Variants in ARB2A observed in about 807,000 individuals in gnomAD.
ARB2A encodes cotranscriptional regulator ARB2A.
chr5:93,696,269 A>G, the ARB2A span, among the ~76,000 whole-genome samples: 1 of 152,102 alleles, frequency 6.6e-6, no homozygotes, highest in Admixed American at 6.6e-5. Context: ...TTCTCCATTC[A>G]CATCAGTGAT....
At chr5:93,809,860 T>G in the ARB2A span, among the ~76,000 whole-genome samples, 3 of 152,196 alleles carry the variant, frequency 2.0e-5, no homozygotes, top group East Asian at 5.8e-4. Context: ...CACGTCTTGT[T>G]AAAATATTTA....
chr5:93,699,784 G>C, the ARB2A span, among the ~76,000 whole-genome samples: 4 of 151,590 alleles, frequency 2.6e-5, no homozygotes, highest in African/African-American at 9.7e-5. Context: ...CTACTAAAAA[G>C]TTGTCAGATG....
chr5:93,784,164 T>C, the ARB2A span: 271 of 463,998 alleles, frequency 5.8e-4, 1 homozygote, highest in East Asian at 9.5e-3. Context: ...TAGTGTTCTA[T>C]AGAAAACCAA....
chr5:94,072,439 T>C, the ARB2A span, among the ~76,000 whole-genome samples: 1 of 152,106 alleles, frequency 6.6e-6, no homozygotes, highest in Non-Finnish European at 1.5e-5. Flanking sequence ...AACAGTACTG[T>C]ACCAATATCT....
At chr5:93,932,527 T>C in the ARB2A span, among the ~76,000 whole-genome samples, 1 of 152,196 alleles carries the variant, frequency 6.6e-6, no homozygotes, top group Non-Finnish European at 1.5e-5. Flanking sequence ...CAAATATGCA[T>C]TAAGTATATA....
chr5:93,985,242 T>C, the ARB2A span, among the ~76,000 whole-genome samples: 2 of 152,174 alleles, frequency 1.3e-5, no homozygotes, highest in African/African-American at 4.8e-5. Context: ...ATAGAGATTG[T>C]CTTCATTCTT....
At chr5:93,872,031 C>T in the ARB2A span, among the ~76,000 whole-genome samples, 3 of 151,580 alleles carry the variant, frequency 2.0e-5, no homozygotes, top group Admixed American at 2.0e-4. Context: ...TCACTGCAAC[C>T]TCTGCCTCCC....
At chr5:94,034,940 T>C in the ARB2A span, among the ~76,000 whole-genome samples, 1 of 152,150 alleles carries the variant, frequency 6.6e-6, no homozygotes, top group African/African-American at 2.4e-5. Context: ...GCAAGGGATC[T>C]AGGTTGCACA....
At chr5:93,642,447 C>A in the ARB2A span, among the ~76,000 whole-genome samples, 1 of 152,308 alleles carries the variant, frequency 6.6e-6, no homozygotes, top group Non-Finnish European at 1.5e-5. Flanking sequence ...TCTCAGCTTA[C>A]TGCAACCTCT....
At chr5:93,774,618 G>A in the ARB2A span, among the ~76,000 whole-genome samples, 1 of 152,072 alleles carries the variant, frequency 6.6e-6, no homozygotes, top group Non-Finnish European at 1.5e-5. Flanking sequence ...CTAGTTTTGT[G>A]CCTTTTTTTT....
At chr5:93,819,134 C>G in the ARB2A span, among the ~76,000 whole-genome samples, 1 of 130,930 alleles carries the variant, frequency 7.6e-6, no homozygotes, top group African/African-American at 2.9e-5. Context: ...TGCAGTGAGT[C>G]GAGATCGCGC....
chr5:93,621,195 G>A, the ARB2A span: 2 of 1,446,898 alleles, frequency 1.4e-6, no homozygotes, highest in Non-Finnish European at 1.8e-6. Flanking sequence ...AGGGCGGCGA[G>A]GGCCAGGCCG....
At chr5:93,665,533 G>C in the ARB2A span, among the ~76,000 whole-genome samples, 1 of 152,154 alleles carries the variant, frequency 6.6e-6, no homozygotes, top group East Asian at 1.9e-4. Context: ...CAGAAACATT[G>C]ATGGCAGAAA....
the ARB2A span, among the ~76,000 whole-genome samples, chr5:93,730,536 TAA>T: frequency 7.0e-4 from 106 of 152,256 alleles, 1 homozygote; most frequent in African/African-American, 2.5e-3. Flanking sequence ...GTAAAAAACT[TAA>T]GAGTCTACTT....
At chr5:93,677,811 A>T in the ARB2A span, among the ~76,000 whole-genome samples, 1 of 152,212 alleles carries the variant, frequency 6.6e-6, no homozygotes, top group East Asian at 1.9e-4. Context: ...CATCAAAGAA[A>T]AACTGAGCTG....
the ARB2A span, among the ~76,000 whole-genome samples, chr5:93,728,458 T>G: frequency 0.088 from 13,359 of 152,144 alleles, 778 homozygotes; most frequent in Middle Eastern, 0.17. Flanking sequence ...GATTGTCTTG[T>G]GTCTGGTGGT....
chr5:93,846,738 A>G, the ARB2A span, among the ~76,000 whole-genome samples: 4 of 152,204 alleles, frequency 2.6e-5, no homozygotes, highest in African/African-American at 9.7e-5. Context: ...CTTTATTGCT[A>G]AAAACTGCTA....
the ARB2A span, among the ~76,000 whole-genome samples, chr5:93,907,185 A>G: frequency 4.0e-5 from 6 of 151,394 alleles, no homozygotes; most frequent in African/African-American, 1.5e-4. Flanking sequence ...GGTCTTCTGT[A>G]TAAGTCCCTG....
At chr5:93,779,090 A>AGAGTGTGTGT in the ARB2A span, among the ~76,000 whole-genome samples, 7 of 143,448 alleles carry the variant, frequency 4.9e-5, no homozygotes, top group African/African-American at 1.8e-4. Flanking sequence ...GTCATTTCAG[A>AGAGTGTGTGT]GTGTGTGTGT....
Sources: gnomAD v4.1 joint callset for allele counts (sites outside exome capture counted in the v4.1 genomes callset) on GRCh38, gnomAD v4.1.1 for gene constraint, MANE v1.5 for transcripts, NCBI Gene and HGNC (gene_info 2026-07-23, HGNC 2026-07-21) for gene names.